Variants in DCAF4 observed in about 807,000 individuals in gnomAD.
DCAF4 encodes the protein DDB1 and CUL4 associated factor 4.
In DCAF4, 37 loss-of-function variants were observed where a neutral mutation model predicts 60.9. That is an observed-to-expected ratio of 0.61 (90% CI 0.47 to 0.80). DCAF4 has a LOEUF of 0.80. DCAF4 is among the 30% of genes least tolerant of loss of function. The probability of loss-of-function intolerance (pLI) is 0.00; values close to 1 mark genes in which losing one functional copy is unlikely to be tolerated. For synonymous variants in DCAF4, 243 were observed against 254.8 expected (o/e 0.95, Z 0.44); for missense variants, 577 against 650.0 (o/e 0.89, Z 1.22).
chr14:72,931,073 T>C (rs950091311), intron 1 of DCAF4, among the ~76,000 whole-genome samples: 1 of 152,184 alleles, frequency 6.6e-6, no homozygotes, highest in Non-Finnish European at 1.5e-5. Context: ...TTTTTCAAGA[T>C]GATTTTGGGT....
intron 1 of DCAF4, among the ~76,000 whole-genome samples, chr14:72,936,495 C>G (rs1014358062): frequency 5.3e-5 from 8 of 149,678 alleles, no homozygotes; most frequent in African/African-American, 2.0e-4. Flanking sequence ...ACCCGAGAGG[C>G]AGAGGTTGCA....
intron 1 of DCAF4, chr14:72,929,804 G>A (rs1888284593): frequency 2.1e-5 from 24 of 1,141,760 alleles, no homozygotes; most frequent in Non-Finnish European, 3.2e-5. Flanking sequence ...CCCGGATCAT[G>A]TCCCGCTACA....
At chr14:72,941,623 A>C in intron 4 of DCAF4, 122 bp from the exon 5 acceptor site, 1 of 897,116 alleles carries the variant, frequency 1.1e-6, no homozygotes, top group Non-Finnish European at 1.8e-6. Context: ...TTTTATGCAT[A>C]TAATTTCTGC....
chr14:72,951,388 G>T (rs1364933041), intron 8 of DCAF4, among the ~76,000 whole-genome samples: 1 of 152,124 alleles, frequency 6.6e-6, no homozygotes, highest in East Asian at 1.9e-4. Context: ...GAGGCGGGCG[G>T]ATCACGTGAG....
intron 8 of DCAF4, 53 bp from the exon 9 acceptor site, chr14:72,951,745 C>T: frequency 3.2e-6 from 5 of 1,562,994 alleles, no homozygotes; most frequent in Non-Finnish European, 4.4e-6. Context: ...AATGTCCATG[C>T]CTCCTCCCAG....
At chr14:72,931,133 TA>T (rs746831850) in intron 1 of DCAF4, among the ~76,000 whole-genome samples, 2 of 152,146 alleles carry the variant, frequency 1.3e-5, no homozygotes, top group African/African-American at 4.8e-5. Context: ...TTTCCATTGC[TA>T]AAAAAATGGC....
At chr14:72,934,125 C>A (rs1320784434) in intron 1 of DCAF4, among the ~76,000 whole-genome samples, 2 of 151,302 alleles carry the variant, frequency 1.3e-5, no homozygotes, top group Non-Finnish European at 2.9e-5. Context: ...GCCTGCAGGC[C>A]CCCCGCCCCC....
downstream of DCAF4, among the ~76,000 whole-genome samples, chr14:72,961,294 A>G (rs1013301251): frequency 2.0e-5 from 3 of 152,044 alleles, no homozygotes; most frequent in African/African-American, 7.2e-5. Flanking sequence ...GCTCTTCCCA[A>G]CTCTGAAGCC....
intron 5 of DCAF4, 163 bp downstream of exon 5, chr14:72,941,987 C>T: frequency 1.5e-6 from 1 of 671,190 alleles, no homozygotes; most frequent in Non-Finnish European, 2.5e-6. Context: ...GCTGCTTAAA[C>T]CCACCCTGAG....
At chr14:72,953,733 AT>A (rs1372863711) in intron 9 of DCAF4, among the ~76,000 whole-genome samples, 5,532 of 24,624 alleles carry the variant, frequency 0.22, 1,602 homozygotes, top group Non-Finnish European at 0.26. Context: ...AAAAAAAAAA[AT>A]ATATATATAT....
At position 72,951,884 on chromosome 14, in the gene DCAF4, G is replaced by T. The variant is rs377298319; in HGVS notation, c.808+7G>T. The T allele has an allele frequency of 6.2e-7, 1 of 1,613,982 alleles. No homozygotes were observed. Among genetic ancestry groups the T allele is most frequent in the Non-Finnish European group, 8.5e-7 (1 of 1,180,002 alleles). On this transcript the variant is annotated splice_region_variant and intron_variant, in intron 9 of 13. Transcript: ENST00000358377. ...TTCGTCAATAGTCACCCAGGTACAG[G>T]GTTCTCCTCCTTTAAAGAAATCTGT...
chr14:72,949,566 C>A (rs1401053054), intron 8 of DCAF4, among the ~76,000 whole-genome samples: 1 of 152,058 alleles, frequency 6.6e-6, no homozygotes, highest in Non-Finnish European at 1.5e-5. Flanking sequence ...ACCAGCCTGG[C>A]CAACATGGTG....
chr14:72,947,604 G>A (rs916357455), intron 8 of DCAF4, among the ~76,000 whole-genome samples: 2 of 152,204 alleles, frequency 1.3e-5, no homozygotes, highest in Non-Finnish European at 2.9e-5. Flanking sequence ...GGTAGCAGAG[G>A]AACAAGGCAG....
intron 12 of DCAF4, among the ~76,000 whole-genome samples, chr14:72,955,940 T>TTTGG (rs1892228463): frequency 1.0e-5 from 1 of 97,660 alleles, no homozygotes; most frequent in Non-Finnish European, 2.2e-5. Context: ...TTTTTTTTTT[T>TTTGG]GAGATGGAGT....
At chr14:72,940,758 T>C (rs1889941423) in intron 4 of DCAF4, among the ~76,000 whole-genome samples, 1 of 150,892 alleles carries the variant, frequency 6.6e-6, no homozygotes, top group African/African-American at 2.4e-5. Context: ...GCCCAGCTAA[T>C]TTTTTTATTT....
chr14:72,927,730 G>C (rs935537935), intron 1 of DCAF4, among the ~76,000 whole-genome samples: 1 of 152,104 alleles, frequency 6.6e-6, no homozygotes, highest in Non-Finnish European at 1.5e-5. Flanking sequence ...TTTAACTTAC[G>C]CTGGGTGTGG....
intron 9 of DCAF4, among the ~76,000 whole-genome samples, chr14:72,953,761 A>T (rs1891841842): frequency 1.9e-5 from 1 of 52,864 alleles, no homozygotes; most frequent in Admixed American, 2.2e-4. Context: ...ATATATATAT[A>T]TAGTTTATTT....
In DCAF4 at chr14:72,941,840, T is replaced by C; in HGVS notation, c.431+16T>C. On this transcript the variant is annotated intron_variant, in intron 5 of 13. Coordinates refer to ENST00000358377, the MANE Select transcript of DCAF4 (RefSeq NM_015604.4). Reference sequence around the variant, plus strand: ...ATTACTGCCAGTAAGACAATGCCTCTTTGTTATGTTTTCTTCATGAATGTT... The same window carrying C: ...ATTACTGCCAGTAAGACAATGCCTCCTTGTTATGTTTTCTTCATGAATGTT... The C allele has an allele frequency of 6.2e-7, 1 of 1,611,362 alleles. No homozygotes were observed. The highest frequency in any genetic ancestry group is 1.3e-5 in the African/African-American group (1 of 74,940).
At chr14:72,940,094 GC>G in intron 3 of DCAF4, 125 bp from the exon 4 acceptor site, 1 of 1,361,808 alleles carries the variant, frequency 7.3e-7, no homozygotes, top group Non-Finnish European at 1.0e-6. Context: ...GCCTGACAAG[GC>G]AGCTCATCCC....
Sources: allele counts gnomAD v4.1 joint callset (sites outside exome capture counted in the v4.1 genomes callset), GRCh38; gene constraint gnomAD v4.1.1; transcripts MANE v1.5; gene names NCBI Gene and HGNC (gene_info 2026-07-23, HGNC 2026-07-21).